Variants in TRPM3 observed in about 807,000 individuals in gnomAD.
The protein encoded by TRPM3 is transient receptor potential cation channel subfamily M member 3, also known as long transient receptor potential channel 3.
Under a neutral mutation model 181.2 loss-of-function variants are expected in TRPM3, and 77 were observed. The ratio of observed to expected loss-of-function variants is 0.42; its 90% confidence interval spans 0.35 to 0.51. The LOEUF is 0.51. Among genes scored for constraint, TRPM3 ranks in the 20% least tolerant of loss-of-function variants. The probability of loss-of-function intolerance (pLI) is 0.01; values close to 1 mark genes in which losing one functional copy is unlikely to be tolerated. For synonymous variants in TRPM3, 745 were observed against 796.4 expected (o/e 0.94, Z 1.09); for missense variants, 1,759 against 2,196.7 (o/e 0.80, Z 3.98).
intron 1 of TRPM3, among the ~76,000 whole-genome samples, chr9:71,175,399 A>G (rs1287301292): frequency 1.3e-5 from 2 of 152,128 alleles, no homozygotes; most frequent in Non-Finnish European, 2.9e-5. Flanking sequence ...CATATGGTTG[A>G]CTCTGAGGTG....
chr9:70,552,765 A>G, intron 24 of TRPM3, 79 bp downstream of exon 24: 1 of 1,471,384 alleles, frequency 6.8e-7, no homozygotes, highest in Non-Finnish European at 9.5e-7. Context: ...CTAGGTGGGC[A>G]TGCGATTCTG....
intron 1 of TRPM3, among the ~76,000 whole-genome samples, chr9:70,976,840 G>A (rs2097307607): frequency 1.3e-5 from 2 of 152,170 alleles, no homozygotes; most frequent in Admixed American, 1.3e-4. Flanking sequence ...TGCCTCAAAA[G>A]TGGTAGTTAT....
intron 1 of TRPM3, among the ~76,000 whole-genome samples, chr9:70,933,626 G>C (rs1482176013): frequency 6.6e-6 from 1 of 152,034 alleles, no homozygotes; most frequent in Non-Finnish European, 1.5e-5. Flanking sequence ...GAACAGACAA[G>C]GATTTCAAAA....
At chr9:70,876,122 T>C (rs551151419) in intron 1 of TRPM3, among the ~76,000 whole-genome samples, 2 of 151,820 alleles carry the variant, frequency 1.3e-5, no homozygotes, top group Non-Finnish European at 2.9e-5. Context: ...TCAAGGTTAT[T>C]AGGCTTAGCT....
intron 1 of TRPM3, among the ~76,000 whole-genome samples, chr9:71,054,641 A>G (rs1387487960): frequency 6.6e-6 from 1 of 152,146 alleles, no homozygotes; most frequent in African/African-American, 2.4e-5. Flanking sequence ...ACCACGCCAT[A>G]TCTTTTAAGG....
chr9:70,964,185 A>G (rs2097163955), intron 1 of TRPM3, among the ~76,000 whole-genome samples: 1 of 152,140 alleles, frequency 6.6e-6, no homozygotes, highest in Non-Finnish European at 1.5e-5. Flanking sequence ...TGATTAAGAT[A>G]TATTTTCTAC....
At chr9:71,078,041 C>T (rs1373855239) in intron 1 of TRPM3, among the ~76,000 whole-genome samples, 7 of 151,854 alleles carry the variant, frequency 4.6e-5, no homozygotes, top group Middle Eastern at 3.4e-3. Flanking sequence ...CTAGCAACTC[C>T]GTCTCTAGAA....
chr9:71,092,182 T>C (rs2066341591), intron 1 of TRPM3, among the ~76,000 whole-genome samples: 1 of 152,156 alleles, frequency 6.6e-6, no homozygotes, highest in Admixed American at 6.6e-5. Context: ...TGGCCTAAAT[T>C]GCCTTTATAG....
chr9:71,331,721 GAAAAGGAGGAGA>G lies in TRPM3; in HGVS notation c.183+114920_183+114931del, dbSNP rs1389915253. On this transcript the variant is annotated intron_variant, in intron 1 of 24. Transcript: ENST00000357533. ...GAAAAAGGAGGAGAAAAAGGAGGAG[GAAAAGGAGGAGA>G]AAAAGGAGGAGGAGGAAAAGGGGGA... is the stretch of plus-strand genomic sequence containing the variant. Among the ~76,000 whole-genome samples the G allele has an allele frequency of 7.5e-4, 87 of 115,278 alleles. 1 individual carries two copies. Among genetic ancestry groups the G allele is most frequent in the Non-Finnish European group, 1.3e-3 (73 of 56,482 alleles). 75.6% of individuals were successfully genotyped at this position (115,278 alleles called of 152,430 possible).
intron 1 of TRPM3, among the ~76,000 whole-genome samples, chr9:71,359,128 T>C (rs1265376056): frequency 6.6e-6 from 1 of 152,202 alleles, no homozygotes; most frequent in Admixed American, 6.5e-5. Flanking sequence ...TGTCCTATAC[T>C]ACCCAAAGAG....
intron 1 of TRPM3, among the ~76,000 whole-genome samples, chr9:71,238,180 A>G (rs910346484): frequency 6.6e-6 from 1 of 152,146 alleles, no homozygotes; most frequent in Non-Finnish European, 1.5e-5. Flanking sequence ...AATTATTAGG[A>G]CATCCATTTT....
intron 1 of TRPM3, among the ~76,000 whole-genome samples, chr9:71,407,243 C>T (rs1484431112): frequency 6.6e-6 from 1 of 152,112 alleles, no homozygotes; most frequent in Non-Finnish European, 1.5e-5. Flanking sequence ...GTGGGTGCAG[C>T]CCATGAAGTG....
intron 6 of TRPM3, chr9:70,827,588 T>A (rs976570876): frequency 1.2e-5 from 4 of 341,400 alleles, no homozygotes; most frequent in Non-Finnish European, 2.2e-5. Context: ...CTTATCTGCA[T>A]ACACATACCC....
chr9:71,096,590 A>ACACTCTCTCTCT (rs1452142664), intron 1 of TRPM3, among the ~76,000 whole-genome samples: 7 of 90,046 alleles, frequency 7.8e-5, no homozygotes, highest in African/African-American at 2.6e-4. Context: ...ACACACACAC[A>ACACTCTCTCTCT]CTCTCTCTCT....
intron 7 of TRPM3, among the ~76,000 whole-genome samples, chr9:70,764,026 A>G (rs1006176833): frequency 6.6e-6 from 1 of 152,164 alleles, no homozygotes; most frequent in African/African-American, 2.4e-5. Context: ...CTGAGAAAGC[A>G]AATTAAAGAG....
At chr9:71,431,313 G>C (rs2093950535) in intron 1 of TRPM3, among the ~76,000 whole-genome samples, 2 of 152,158 alleles carry the variant, frequency 1.3e-5, no homozygotes, top group African/African-American at 4.8e-5. Flanking sequence ...TCTAAAACTT[G>C]AAAGGATAAG....
At chr9:71,410,266 A>T (rs1334696143) in intron 1 of TRPM3, among the ~76,000 whole-genome samples, 1 of 148,502 alleles carries the variant, frequency 6.7e-6, no homozygotes, top group African/African-American at 2.5e-5. Context: ...ATCAGAGCAG[A>T]ACTGAAGGAG....
intron 1 of TRPM3, among the ~76,000 whole-genome samples, chr9:71,200,379 T>A (rs905356174): frequency 1.7e-4 from 26 of 151,322 alleles, no homozygotes; most frequent in Admixed American, 1.3e-3. Context: ...TCTGTAGATG[T>A]CTATTAGGCC....
rs540677764 is a variant in TRPM3 at position 70,851,130 on chromosome 9, T to C, written c.463-4539A>G. ...GCCACTGCGCCACTACACTCCAGCCTGGGCAACAAGAGGGAGACTCTGTCT... is the reference window on the plus strand; with the variant it reads ...GCCACTGCGCCACTACACTCCAGCCCGGGCAACAAGAGGGAGACTCTGTCT... On this transcript the variant is annotated intron_variant, in intron 3 of 25. Coordinates refer to ENST00000677713, the MANE Select transcript of TRPM3 (RefSeq NM_001366145.2). 6.4e-4 allele frequency among the ~76,000 whole-genome samples: 98 copies of C among 152,184 alleles called. 1 individual carries two copies. In the South Asian group the frequency reaches 0.02, roughly 31 times the overall value.
Sources: gnomAD v4.1 joint callset for allele counts (sites outside exome capture counted in the v4.1 genomes callset) on GRCh38, gnomAD v4.1.1 for gene constraint, MANE v1.5 for transcripts, NCBI Gene and HGNC (gene_info 2026-07-23, HGNC 2026-07-21) for gene names.